PHACTR1: variants seen among roughly 807,000 people sequenced by gnomAD.
PHACTR1 encodes the protein phosphatase and actin regulator 1.
A neutral mutation model predicts 69.2 loss-of-function variants in PHACTR1; 16 were observed. The observed-to-expected ratio is 0.23, with a 90% CI of 0.16 to 0.35. The LOEUF (loss-of-function observed/expected upper bound fraction) is 0.35, where lower values mean the gene tolerates loss of function less well. PHACTR1 is among the 10% of genes least tolerant of loss of function. PHACTR1 has a pLI of 1.00. For missense variants in PHACTR1, 510 were observed against 734.7 expected (o/e 0.69, Z 3.54); for synonymous variants, 312 against 284.5 (o/e 1.10, Z -0.97).
At chr6:13,231,063 GGAA>G (rs1562036595) in intron 10 of PHACTR1, among the ~76,000 whole-genome samples, 221 of 1,970 alleles carry the variant, frequency 0.11, 33 homozygotes, top group African/African-American at 0.21. Context: ...AAGGAAGGAA[GGAA>G]GGAAGGAAGG....
intron 4 of PHACTR1, among the ~76,000 whole-genome samples, chr6:12,807,219 G>A (rs972287068): frequency 3.9e-5 from 6 of 152,132 alleles, no homozygotes; most frequent in African/African-American, 1.4e-4. Context: ...TACAGAGTGG[G>A]TACCCGATGA....
At chr6:12,974,167 A>C (rs941477621) in intron 4 of PHACTR1, among the ~76,000 whole-genome samples, 5 of 151,962 alleles carry the variant, frequency 3.3e-5, no homozygotes, top group Middle Eastern at 3.4e-3. Context: ...TGATCCACCC[A>C]CCTCCGCCTT....
intron 6 of PHACTR1, among the ~76,000 whole-genome samples, chr6:13,161,956 A>T (rs985901468): frequency 6.6e-6 from 1 of 152,192 alleles, no homozygotes; most frequent in African/African-American, 2.4e-5. Flanking sequence ...AGCCAGCTTT[A>T]TCCATCGATT....
chr6:13,019,074 A>ATTTT (rs56281010), intron 4 of PHACTR1, among the ~76,000 whole-genome samples: 74 of 143,686 alleles, frequency 5.2e-4, no homozygotes, highest in African/African-American at 1.6e-3. Context: ...ATATATATAT[A>ATTTT]TTTTTTCTTT....
rs569281822 is a variant in PHACTR1 at position 12,728,432 on chromosome 6, T to A, written c.103+9585T>A. ...TTATAAGGTTATATTTATATTTATA[T>A]TTATAAAACTGGGGGTATGAATAAG... On this transcript the variant is annotated intron_variant, in intron 3 of 14. Coordinates refer to ENST00000332995, the MANE Select transcript of PHACTR1 (RefSeq NM_030948.6). Among the ~76,000 whole-genome samples the A allele has an allele frequency of 1.3e-3, 205 of 152,306 alleles. 1 individual carries two copies. The highest frequency in any genetic ancestry group is 5.8e-3 in the Admixed American group (88 of 15,298).
In PHACTR1 at chr6:13,179,405, C is replaced by CATGT. The variant is rs376319289; in HGVS notation, c.497-3114_497-3113insATGT. 7.0e-6 allele frequency among the ~76,000 whole-genome samples: 1 copy of CATGT among 141,956 alleles called. No individual in the cohort carries two copies. The highest frequency in any genetic ancestry group is 2.7e-5 in the African/African-American group (1 of 37,538). The allele number at this position is 141,956 out of a possible 152,430, so 93.1% of individuals were successfully genotyped here. A position where few individuals can be genotyped will look rare whatever the true frequency, so the allele number is the denominator to read the frequency against. ...TATACAGCCCATTACATTAATGTTT[C>CATGT]GTGTGTGTGTGTGTGTGTGTGTGTG... On this transcript the variant is annotated intron_variant, in intron 6 of 14. Coordinates refer to ENST00000332995, the MANE Select transcript of PHACTR1 (RefSeq NM_030948.6). This position sits in a 1 kb window ranked among gnomAD's most constrained non-coding sequence, Gnocchi z 4.2.
intron 6 of PHACTR1, among the ~76,000 whole-genome samples, chr6:13,181,694 G>A (rs966534917): frequency 1.3e-5 from 2 of 152,134 alleles, no homozygotes; most frequent in Non-Finnish European, 2.9e-5. Flanking sequence ...TCGCTGAGTG[G>A]CTGCAGCCTG....
At chr6:12,973,496 T>G (rs1164937371) in intron 4 of PHACTR1, among the ~76,000 whole-genome samples, 3 of 152,172 alleles carry the variant, frequency 2.0e-5, no homozygotes, top group Non-Finnish European at 4.4e-5. Context: ...TGTGGACAAA[T>G]GGGAACAAAC....
chr6:13,054,010 A>G (rs9473310), intron 5 of PHACTR1, among the ~76,000 whole-genome samples: 3,880 of 152,296 alleles, frequency 0.025, 152 homozygotes, highest in African/African-American at 0.087. Flanking sequence ...CAAATGAATC[A>G]TTGTAGTGGC....
chr6:12,878,919 T>G (rs1782805379), intron 4 of PHACTR1, among the ~76,000 whole-genome samples: 1 of 152,176 alleles, frequency 6.6e-6, no homozygotes, highest in Non-Finnish European at 1.5e-5. Flanking sequence ...CCTTTGGAAT[T>G]TATGACTCCA....
At chr6:13,133,681 A>G (rs969729041) in intron 5 of PHACTR1, among the ~76,000 whole-genome samples, 3 of 151,910 alleles carry the variant, frequency 2.0e-5, no homozygotes, top group Non-Finnish European at 4.4e-5. Context: ...TTGGCCTCCC[A>G]AAGTGCCGAG....
chr6:13,064,551 T>TATATATATATAG, intron 5 of PHACTR1, among the ~76,000 whole-genome samples: 1 of 1,364 alleles, frequency 7.3e-4, no homozygotes, highest in African/African-American at 3.1e-3. Flanking sequence ...GGAAAAGATA[T>TATATATATATAG]ATATATATAT....
rs200067868 is a variant in PHACTR1, at chr6:12,758,632, TA to T, written c.250+8843del. Among the ~76,000 whole-genome samples, 1,190 of 152,274 alleles carry T rather than the reference TA, an allele frequency of 7.8e-3. 15 individuals are homozygous for T. Among genetic ancestry groups the T allele is most frequent in the African/African-American group, 0.027 (1,128 of 41,552 alleles). ...AAGTTACATGACATAGTGAAGGTACTACAGCTAATAAGAGAAAGAACTGGAA... is the reference window on the plus strand; with the variant it reads ...AAGTTACATGACATAGTGAAGGTACTCAGCTAATAAGAGAAAGAACTGGAA... On this transcript the variant is annotated intron_variant, in intron 4 of 14. Coordinates refer to ENST00000332995, the MANE Select transcript of PHACTR1 (RefSeq NM_030948.6).
chr6:12,851,462 C>T lies in PHACTR1; in HGVS notation c.250+101672C>T, dbSNP rs571544161. 4.6e-5 allele frequency among the ~76,000 whole-genome samples: 7 copies of T among 152,314 alleles called. No individual in the cohort carries two copies. The South Asian group carries it at 1.5e-3, about 32-fold the overall frequency. ...TGCCTTTCAATCAGCCAACAGCCTA[C>T]AGATTTCCTGAGGGAAACAGACATG... On this transcript the variant is annotated intron_variant, in intron 4 of 14. Transcript: ENST00000332995.
intron 6 of PHACTR1, among the ~76,000 whole-genome samples, chr6:13,165,286 C>G (rs950285860): frequency 1.1e-4 from 17 of 152,148 alleles, no homozygotes; most frequent in Non-Finnish European, 1.8e-4. Flanking sequence ...GTAAAATAAT[C>G]TATAGTTCGA....
At position 13,179,590 on chromosome 6, in the gene PHACTR1, A is replaced by G. The variant is rs1761895750; in HGVS notation, c.497-2929A>G. On this transcript the variant is annotated intron_variant, in intron 6 of 14. Coordinates refer to ENST00000332995, the MANE Select transcript of PHACTR1 (RefSeq NM_030948.6). This position sits in a 1 kb window ranked among gnomAD's most constrained non-coding sequence, Gnocchi z 4.2. ...TGATATTAATAATGAATTTGTACTT[A>G]TTGAATGGTTTTCATTTCTTTCTAC... Among the ~76,000 whole-genome samples, 1 of 152,120 alleles carries G rather than the reference A, an allele frequency of 6.6e-6. No homozygotes were observed. Among genetic ancestry groups the G allele is most frequent in the Non-Finnish European group, 1.5e-5 (1 of 68,016 alleles).
At chr6:13,168,699 T>C (rs1283561797) in intron 6 of PHACTR1, among the ~76,000 whole-genome samples, 1 of 152,130 alleles carries the variant, frequency 6.6e-6, no homozygotes, top group African/African-American at 2.4e-5. Flanking sequence ...AGAGGAACCC[T>C]GCGGGGTGAG....
At position 13,008,378 on chromosome 6, in the gene PHACTR1, T is replaced by C. The variant is rs543984644; in HGVS notation, c.251-44987T>C. ...ATAGATGCCAGCCATAAACAATTCA[T>C]ACAGCTGGACCAGTGCTGAGGCCCT... On this transcript the variant is annotated intron_variant, in intron 4 of 14. Coordinates refer to ENST00000332995, the MANE Select transcript of PHACTR1 (RefSeq NM_030948.6). Among the ~76,000 whole-genome samples, 6 of 152,376 alleles carry C rather than the reference T, an allele frequency of 3.9e-5. No individual in the cohort carries two copies. In the South Asian group the frequency reaches 1.0e-3, roughly 26 times the overall value.
intron 6 of PHACTR1, among the ~76,000 whole-genome samples, chr6:13,162,450 C>G (rs1484971564): frequency 1.3e-5 from 2 of 151,926 alleles, no homozygotes; most frequent in Non-Finnish European, 2.9e-5. Flanking sequence ...AACTTTAAAT[C>G]TCCATGCTTC....
Sources: allele counts gnomAD v4.1 joint callset (sites outside exome capture counted in the v4.1 genomes callset), GRCh38; gene constraint gnomAD v4.1.1; non-coding constraint Gnocchi (gnomAD v3.1); transcripts MANE v1.5; gene names NCBI Gene and HGNC (gene_info 2026-07-23, HGNC 2026-07-21).